NKAIN2: variants seen among roughly 807,000 people sequenced by gnomAD.
The protein encoded by NKAIN2 is sodium/potassium transporting ATPase interacting 2, also known as sodium/potassium-transporting ATPase subunit beta-1-interacting protein 2.
In NKAIN2, 14 loss-of-function variants were observed where a neutral mutation model predicts 32.6. The observed-to-expected ratio is 0.43, with a 90% CI of 0.28 to 0.67. NKAIN2 has a LOEUF of 0.67. Among genes scored for constraint, NKAIN2 ranks in the 30% least tolerant of loss-of-function variants. The pLI is 0.17. For synonymous variants in NKAIN2, 80 were observed against 87.2 expected (o/e 0.92, Z 0.46); for missense variants, 198 against 258.3 (o/e 0.77, Z 1.60).
At chr6:124,201,015 G>A (rs1790564197) in intron 1 of NKAIN2, among the ~76,000 whole-genome samples, 2 of 151,976 alleles carry the variant, frequency 1.3e-5, no homozygotes, top group Admixed American at 6.6e-5. Flanking sequence ...CAATGGTTGT[G>A]GGTTTAGTTT....
chr6:124,719,172 A>T (rs1775902480), intron 4 of NKAIN2, among the ~76,000 whole-genome samples: 1 of 152,184 alleles, frequency 6.6e-6, no homozygotes, highest in South Asian at 2.1e-4. Flanking sequence ...TAAATTGCTA[A>T]TTTCCATTTT....
chr6:124,472,559 G>C (rs549319328), intron 3 of NKAIN2, among the ~76,000 whole-genome samples: 1 of 152,130 alleles, frequency 6.6e-6, no homozygotes, highest in Admixed American at 6.6e-5. Context: ...CCTGAGACTT[G>C]ATGAGTCAGA....
intron 1 of NKAIN2, among the ~76,000 whole-genome samples, chr6:124,195,207 G>C (rs1360544121): frequency 6.6e-6 from 1 of 151,726 alleles, no homozygotes; most frequent in Non-Finnish European, 1.5e-5. Flanking sequence ...CAAATAATGT[G>C]CTCCATATTC....
intron 1 of NKAIN2, among the ~76,000 whole-genome samples, chr6:124,272,405 A>G (rs904398454): frequency 6.6e-5 from 10 of 152,182 alleles, no homozygotes; most frequent in Non-Finnish European, 1.3e-4. Flanking sequence ...TCAAAACCCA[A>G]GCTTTGGTGG....
intron 4 of NKAIN2, among the ~76,000 whole-genome samples, chr6:124,676,252 C>T (rs2114489206): frequency 6.6e-6 from 1 of 152,114 alleles, no homozygotes; most frequent in African/African-American, 2.4e-5. Context: ...ACATGTGATT[C>T]ATTTGGAGAA....
intron 4 of NKAIN2, among the ~76,000 whole-genome samples, chr6:124,758,223 T>G (rs892203305): frequency 6.6e-6 from 1 of 152,134 alleles, no homozygotes; most frequent in African/African-American, 2.4e-5. Context: ...ACTTTCCTGT[T>G]ACAAACAGCT....
chr6:123,888,039 A>G (rs992897570), intron 1 of NKAIN2, among the ~76,000 whole-genome samples: 3 of 152,144 alleles, frequency 2.0e-5, no homozygotes, highest in African/African-American at 7.2e-5. Context: ...TAAAGTGTAT[A>G]AAATAGTGCT....
At chr6:123,838,551 A>G (rs1774726198) in intron 1 of NKAIN2, among the ~76,000 whole-genome samples, 1 of 152,196 alleles carries the variant, frequency 6.6e-6, no homozygotes, top group African/African-American at 2.4e-5. Flanking sequence ...CATTTGGAAA[A>G]AAAGTGATAC....
chr6:124,608,785 C>G (rs1383675409), intron 3 of NKAIN2, among the ~76,000 whole-genome samples: 3 of 152,146 alleles, frequency 2.0e-5, no homozygotes, highest in African/African-American at 7.2e-5. Context: ...CTCGGGGCAA[C>G]AGAAAAGCTG....
intron 1 of NKAIN2, among the ~76,000 whole-genome samples, chr6:124,062,046 A>G (rs1442753021): frequency 6.6e-6 from 1 of 152,116 alleles, no homozygotes; most frequent in African/African-American, 2.4e-5. Context: ...AATAAAACCA[A>G]TGTTATACTT....
At chr6:124,642,770 T>C (rs699383) in intron 3 of NKAIN2, among the ~76,000 whole-genome samples, 83,977 of 151,986 alleles carry the variant, frequency 0.55, 23,563 homozygotes, top group Middle Eastern at 0.64. Flanking sequence ...TCCCAGGGTA[T>C]GTTTTGTTTG....
intron 4 of NKAIN2, among the ~76,000 whole-genome samples, chr6:124,752,798 A>T (rs1777786765): frequency 6.6e-6 from 1 of 152,102 alleles, no homozygotes; most frequent in Non-Finnish European, 1.5e-5. Flanking sequence ...CTGCTTGTGA[A>T]ATGAATGAAT....
intron 1 of NKAIN2, among the ~76,000 whole-genome samples, chr6:124,255,004 G>T (rs1299240311): frequency 6.6e-6 from 1 of 152,194 alleles, no homozygotes; most frequent in Non-Finnish European, 1.5e-5. Context: ...GCCAGGTGAT[G>T]AATTAGGCCC....
In NKAIN2 at chr6:123,817,941, ACCAAG is replaced by A. The variant is rs878971044; in HGVS notation, c.54+13690_54+13694del. Among the ~76,000 whole-genome samples the A allele has an allele frequency of 8.5e-5, 13 of 152,280 alleles. 1 individual carries two copies. The highest frequency in any genetic ancestry group is 8.5e-4 in the Admixed American group (13 of 15,296). On this transcript the variant is annotated intron_variant, in intron 1 of 6. Transcript: ENST00000368417. ...CTTTTTATGGTCAATTATGTACTCAACCAAGCCTTCAGTATTCTTGGCTGTTTTAC... is the reference window on the plus strand; with the variant it reads ...CTTTTTATGGTCAATTATGTACTCAACCTTCAGTATTCTTGGCTGTTTTAC...
intron 3 of NKAIN2, among the ~76,000 whole-genome samples, chr6:124,417,598 ACGT>A (rs1290870364): frequency 6.6e-6 from 1 of 152,154 alleles, no homozygotes; most frequent in African/African-American, 2.4e-5. Context: ...TGTAGACCAA[ACGT>A]CCTAATACCA....
chr6:123,852,849 A>G (rs1303025202), intron 1 of NKAIN2, among the ~76,000 whole-genome samples: 3 of 152,180 alleles, frequency 2.0e-5, no homozygotes, highest in Non-Finnish European at 2.9e-5. Flanking sequence ...AGAAAATCCA[A>G]AAAGAGGTGT....
At chr6:124,435,335 G>A (rs1343774038) in intron 3 of NKAIN2, among the ~76,000 whole-genome samples, 1 of 152,060 alleles carries the variant, frequency 6.6e-6, no homozygotes, top group African/African-American at 2.4e-5. Flanking sequence ...CTGGCCCCAG[G>A]AAGTCAGATA....
At chr6:124,534,369 T>G (rs1213854484) in intron 3 of NKAIN2, among the ~76,000 whole-genome samples, 1 of 152,208 alleles carries the variant, frequency 6.6e-6, no homozygotes, top group East Asian at 1.9e-4. Flanking sequence ...CAGACTGGTC[T>G]TGAACTCCTG....
chr6:123,960,610 C>G (rs1050163440), intron 1 of NKAIN2, among the ~76,000 whole-genome samples: 4 of 151,824 alleles, frequency 2.6e-5, no homozygotes, highest in African/African-American at 9.7e-5. Flanking sequence ...AGCTCTTCAC[C>G]TCCCCACTCC....
Sources: gnomAD v4.1 joint callset for allele counts (sites outside exome capture counted in the v4.1 genomes callset) on GRCh38, gnomAD v4.1.1 for gene constraint, MANE v1.5 for transcripts, NCBI Gene and HGNC (gene_info 2026-07-23, HGNC 2026-07-21) for gene names.